ATG4B: variants seen among roughly 807,000 people sequenced by gnomAD.
The protein encoded by ATG4B is autophagy related 4B cysteine peptidase, also known as cysteine protease ATG4B.
Under a neutral mutation model 56.6 loss-of-function variants are expected in ATG4B, and 29 were observed. The ratio of observed to expected loss-of-function variants is 0.51; its 90% CI spans 0.38 to 0.70. The LOEUF (loss-of-function observed/expected upper bound fraction) is 0.70. ATG4B is among the 30% of genes least tolerant of loss of function. The pLI, the probability that ATG4B is intolerant of heterozygous loss-of-function variation, is 0.00. For missense variants in ATG4B, 461 were observed against 515.5 expected (o/e 0.89, Z 1.02); for synonymous variants, 224 against 206.1 (o/e 1.09, Z -0.74).
chr2:241,669,396 C>T (rs377127742), intron 10 of ATG4B, among the ~76,000 whole-genome samples: 33 of 152,354 alleles, frequency 2.2e-4, no homozygotes, highest in Admixed American at 5.9e-4. Context: ...TGAAATGGGA[C>T]GGTCTCTGAG....
At chr2:241,644,996 T>C (rs1473705239) in intron 1 of ATG4B, among the ~76,000 whole-genome samples, 1 of 152,002 alleles carries the variant, frequency 6.6e-6, no homozygotes, top group Non-Finnish European at 1.5e-5. Flanking sequence ...AAAAAAGTTA[T>C]CTTCCTCCAT....
intron 1 of ATG4B, among the ~76,000 whole-genome samples, chr2:241,644,503 A>G (rs1468007061): frequency 1.3e-5 from 2 of 152,194 alleles, no homozygotes; most frequent in Admixed American, 1.3e-4. Context: ...CTGAGGCTGG[A>G]AGAAGTCCAG....
chr2:241,651,367 A>T lies in ATG4B; in HGVS notation c.184+32A>T, dbSNP rs757415812. On this transcript the variant is annotated intron_variant, in intron 3 of 12. Transcript: ENST00000404914. The surrounding 1 kb of genome is among the most constrained non-coding windows in gnomAD (Gnocchi z 4.1). ...ACTCTGTTTTATTACAACGCGGGACAAAATATGTTTTTAGGAAGGAGGAAA... is the reference window on the plus strand; with the variant it reads ...ACTCTGTTTTATTACAACGCGGGACTAAATATGTTTTTAGGAAGGAGGAAA... 6.6e-7 allele frequency: 1 copy of T among 1,505,806 alleles called. No individual in the cohort carries two copies. Among genetic ancestry groups the T allele is most frequent in the East Asian group, 2.4e-5 (1 of 42,482 alleles). 93.3% of individuals were successfully genotyped at this position (1,505,806 alleles called of 1,614,324 possible).
chr2:241,638,313 A>G (rs1000003762), intron 1 of ATG4B: 7 of 152,164 alleles, frequency 4.6e-5, no homozygotes, highest in African/African-American at 1.7e-4. Flanking sequence ...AGAAACAGTG[A>G]ATTTGTATCA....
chr2:241,673,726 G>C lies in ATG4B; in HGVS notation c.*1462G>C, dbSNP rs1177174576. 2.2e-6 allele frequency: 1 copy of C among 455,394 alleles called. No individual in the cohort carries two copies. The highest frequency in any genetic ancestry group is 2.3e-5 in the Admixed American group (1 of 42,574). The allele number at this position is 455,394 out of a possible 1,614,324, so 28.2% of individuals were successfully genotyped here. ...GCTGGGAGCTGCAGTGGTAATGTGT[G>C]GGACACCTTGACCAAAGGGGAGCTT... On this transcript the variant is annotated 3_prime_UTR_variant, in exon 13 of 13. Transcript: ENST00000404914.
chr2:241,654,837 C>T, intron 5 of ATG4B, 190 bp downstream of exon 5: 1 of 602,650 alleles, frequency 1.7e-6, no homozygotes, highest in Non-Finnish European at 2.9e-6. Flanking sequence ...TCACCCCCGT[C>T]CCACCCAGGC....
At position 241,666,740 on chromosome 2, in the gene ATG4B, G is replaced by A. The variant is rs2068788697; in HGVS notation, c.634G>A (p.Val212Ile). ...CAACGGATTCCCTGCCGGAGCTGAG[G>A]TCACCAACAGGCCGTCGCCATGGAG... ...HCNGFPAGAEVTNRPSPWRPL... is the reference protein window; with the variant it reads ...HCNGFPAGAEITNRPSPWRPL... Residue 212 changes from valine (V) to isoleucine (I), a missense_variant, in exon 8 of 13, where the codon GTC (valine) becomes ATC (isoleucine). Physicochemically the swap from Val to Ile is conservative, Grantham distance 29. Coordinates refer to ENST00000404914, the MANE Select transcript of ATG4B (RefSeq NM_013325.5). 6.2e-7 allele frequency: 1 copy of A among 1,610,528 alleles called. No homozygotes were observed.
chr2:241,654,462 A>G (rs151200016), intron 4 of ATG4B, 84 bp from the exon 5 acceptor site: 96,105 of 699,318 alleles, frequency 0.14, 7,480 homozygotes, highest in South Asian at 0.24. Context: ...AAAGGTTTGG[A>G]TGCCATCTGT....
At position 241,655,324 on chromosome 2, in the gene ATG4B, A is replaced by C; in HGVS notation, c.439A>C (p.Thr147Pro). 6.2e-7 allele frequency: 1 copy of C among 1,610,740 alleles called. No homozygotes were observed. The highest frequency in any genetic ancestry group is 1.1e-5 in the South Asian group (1 of 90,260). ...KSIGQWYGPN[T>P]VAQVLKKLAV... ...CATAGGCCAGTGGTACGGGCCCAAC[A>C]CTGTCGCCCAGGTCCTGAAGTATGT... is the stretch of plus-strand genomic sequence containing the variant. Residue 147 changes from threonine to proline, a missense_variant, in exon 6 of 13, where the codon ACT (threonine) becomes CCT (proline). By Grantham distance (38) the Thr-to-Pro change is conservative. Transcript: ENST00000404914.
chr2:241,654,691 G>T lies in ATG4B; in HGVS notation c.385+44G>T, dbSNP rs1456234054. ...TGCCAGGCCCCACCCGGGCTGTCTG[G>T]AGAGGGTGGAGTGGTCGGTTTCCCC... On this transcript the variant is annotated intron_variant, in intron 5 of 12. Coordinates refer to ENST00000404914, the MANE Select transcript of ATG4B (RefSeq NM_013325.5). The T allele has an allele frequency of 6.7e-6, 10 of 1,498,208 alleles. 1 individual carries two copies. Among genetic ancestry groups the T allele is most frequent in the Non-Finnish European group, 9.1e-6 (10 of 1,096,380 alleles). The allele number at this position is 1,498,208 out of a possible 1,614,324, so 92.8% of individuals were successfully genotyped here. A position where few individuals can be genotyped will look rare whatever the true frequency, so the allele number is the denominator to read the frequency against.
rs1301118715 is a variant in ATG4B at position 241,673,689 on chromosome 2, G to A, written c.*1425G>A. ...CTTGGGCTCCACGTCCGAGTTCATG[G>A]TGCGCCGCTGTGCTGGGAGCTGCAG... On this transcript the variant is annotated 3_prime_UTR_variant, in exon 13 of 13. Coordinates refer to ENST00000404914, the MANE Select transcript of ATG4B (RefSeq NM_013325.5). 10 of 455,894 alleles carry A rather than the reference G, an allele frequency of 2.2e-5. No individual in the cohort carries two copies. The highest frequency in any genetic ancestry group is 3.5e-5 in the Non-Finnish European group (8 of 227,078). 28.2% of individuals were successfully genotyped at this position (455,894 alleles called of 1,614,324 possible).
intron 1 of ATG4B, among the ~76,000 whole-genome samples, chr2:241,643,037 C>T (rs954542398): frequency 6.6e-6 from 1 of 151,412 alleles, no homozygotes; most frequent in African/African-American, 2.4e-5. Context: ...TGTGCACCAC[C>T]ATGCCTGGCT....
intron 1 of ATG4B, 149 bp downstream of exon 1, chr2:241,637,873 G>T: frequency 2.3e-6 from 2 of 864,444 alleles, no homozygotes; most frequent in South Asian, 7.4e-5. Flanking sequence ...CGGGAGCGCG[G>T]GGCGGTGTTG....
chr2:241,666,513 G>A (rs1224423191), intron 7 of ATG4B, 132 bp from the exon 8 acceptor site: 1 of 967,510 alleles, frequency 1.0e-6, no homozygotes, highest in Non-Finnish European at 1.6e-6. Context: ...TATTTTCCAA[G>A]TTTGAATTTC....
intron 1 of ATG4B, among the ~76,000 whole-genome samples, chr2:241,648,673 C>T (rs2068137515): frequency 6.6e-6 from 1 of 151,970 alleles, no homozygotes; most frequent in Non-Finnish European, 1.5e-5. Context: ...CATCTGGCTG[C>T]AGCCGCTCCA....
At position 241,671,559 on chromosome 2, in the gene ATG4B, G is replaced by A. The variant is rs376396012; in HGVS notation, c.1108+154G>A. 96 of 1,532,432 alleles carry A rather than the reference G, an allele frequency of 6.3e-5. No homozygotes were observed. In the African/African-American group the frequency reaches 1.2e-3, roughly 19 times the overall value. The allele number at this position is 1,532,432 out of a possible 1,614,324, so 94.9% of individuals were successfully genotyped here. ...GTTCGCCTGTGAGACCAGGTATGGA[G>A]TGGAGCGTCCCCTCCTCCAAGCTTG... is the stretch of plus-strand genomic sequence containing the variant. On this transcript the variant is annotated intron_variant, in intron 12 of 12. Transcript: ENST00000404914.
At chr2:241,654,681 G>C (rs531596504) in intron 5 of ATG4B, 34 bp downstream of exon 5, 1 of 1,535,144 alleles carries the variant, frequency 6.5e-7, no homozygotes, top group Non-Finnish European at 8.9e-7. Flanking sequence ...GGCCCCACCC[G>C]GGCTGTCTGG....
At chr2:241,653,173 A>G (rs551364468) in intron 3 of ATG4B, 1 of 612,566 alleles carries the variant, frequency 1.6e-6, no homozygotes, top group East Asian at 4.5e-5. Flanking sequence ...TGCCTTTCTG[A>G]TAATTGGAAA....
In ATG4B at chr2:241,671,372, C is replaced by T; in HGVS notation, c.1075C>T (p.Leu359=). 1 of 1,613,736 alleles carries T rather than the reference C, an allele frequency of 6.2e-7. No homozygotes were observed. Among genetic ancestry groups the T allele is most frequent in the Non-Finnish European group, 8.5e-7 (1 of 1,179,822 alleles). The change falls in exon 12 of 13, where the codon CTG becomes TTG. Residue 359 remains leucine (L), a synonymous_variant. Transcript: ENST00000404914. Reference sequence around the variant, plus strand: ...GCTGGTGGAGCTGCAGCCTTCACATCTGGCCTGCCCCGACGTCCTGAACCT... The same window carrying T: ...GCTGGTGGAGCTGCAGCCTTCACATTTGGCCTGCCCCGACGTCCTGAACCT... ...FELVELQPSH[L]ACPDVLNLSL...
Sources: gnomAD v4.1 joint callset for allele counts (sites outside exome capture counted in the v4.1 genomes callset) on GRCh38, gnomAD v4.1.1 for gene constraint, Gnocchi (gnomAD v3.1) non-coding constraint, MANE v1.5 for transcripts, NCBI Gene and HGNC (gene_info 2026-07-23, HGNC 2026-07-21) for gene names.